Variants in DNAH7 observed in about 807,000 individuals in gnomAD.
DNAH7 encodes the protein axonemal beta dynein heavy chain 7.
In DNAH7, 397 loss-of-function variants were observed where a neutral mutation model predicts 444.6. The observed-to-expected ratio is 0.89, with a 90% CI of 0.82 to 0.97. The LOEUF (loss-of-function observed/expected upper bound fraction) is 0.97. DNAH7 is among the 50% of genes least tolerant of loss of function. DNAH7 has a pLI of 0.00. For synonymous variants in DNAH7, 1,636 were observed against 1,624.4 expected (o/e 1.01, Z -0.17); for missense variants, 4,902 against 4,800.8 (o/e 1.02, Z -0.62).
chr2:195,755,162 G>GT (rs1694011126), intron 62 of DNAH7, among the ~76,000 whole-genome samples: 1 of 152,156 alleles, frequency 6.6e-6, no homozygotes, highest in Admixed American at 6.5e-5. Flanking sequence ...TGGTCAGATG[G>GT]TTATGTTTTT....
At position 195,899,727 on chromosome 2, in the gene DNAH7, A is replaced by G. The variant is rs934091393; in HGVS notation, c.4548+555T>C. ...CTATTAAGTAAGCCTATCTGATTTC[A>G]TAAAGAACTAACTAATGTACAGTTA... is the stretch of plus-strand genomic sequence containing the variant. On this transcript the variant is annotated intron_variant, in intron 28 of 64. Transcript: ENST00000312428. 1.2e-4 allele frequency among the ~76,000 whole-genome samples: 19 copies of G among 152,328 alleles called. No homozygotes were observed. The East Asian group carries it at 2.9e-3, about 23-fold the overall frequency.
In DNAH7 at chr2:196,001,721, G is replaced by A. The variant is rs1447252968; in HGVS notation, c.1127C>T (p.Thr376Ile). ...CGTGAAATCTTGCATGGAGACTAAA[G>A]TGAGGTCCTGCAGCTGTAAAGTCAT... ...ALMTLQLQDL[T>I]LVSMQDFTDL... The change falls in exon 11 of 65, where the codon ACT (threonine) becomes ATT (isoleucine). Residue 376 changes from threonine to isoleucine, a missense_variant. Physicochemically the swap from Thr to Ile is moderately conservative, Grantham distance 89 (BLOSUM62 -1). Coordinates refer to ENST00000312428, the MANE Select transcript of DNAH7 (RefSeq NM_018897.3). 4 of 1,599,346 alleles carry A rather than the reference G, an allele frequency of 2.5e-6. No individual in the cohort carries two copies. The highest frequency in any genetic ancestry group is 2.6e-6 in the Non-Finnish European group (3 of 1,173,188).
chr2:195,914,126 C>T (rs1157475651), intron 24 of DNAH7, among the ~76,000 whole-genome samples: 1 of 152,146 alleles, frequency 6.6e-6, no homozygotes, highest in Non-Finnish European at 1.5e-5. Flanking sequence ...TAATGTTTAC[C>T]TCTAATATTT....
intron 11 of DNAH7, 26 bp downstream of exon 11, chr2:196,001,649 A>C (rs778984853): frequency 4.1e-6 from 6 of 1,472,854 alleles, no homozygotes; most frequent in Admixed American, 2.4e-5. Context: ...TTGTAAATAC[A>C]TATTGGTGAA....
chr2:195,739,154 C>G (rs748493279), intron 64 of DNAH7, among the ~76,000 whole-genome samples: 12 of 152,238 alleles, frequency 7.9e-5, no homozygotes, highest in Non-Finnish European at 1.6e-4. Context: ...CTGCAAGCTA[C>G]TTAAGAGTTT....
In DNAH7 at chr2:195,969,945, T is replaced by C; in HGVS notation, c.2205+3A>G. On this transcript the variant is annotated splice_donor_region_variant and intron_variant, in intron 17 of 64. Transcript: ENST00000312428. ...CATCTTTTTAAGAATTTTTGAATTATACCTTATCTGCAGCTAAATCCAACT... is the reference window on the plus strand; with the variant it reads ...CATCTTTTTAAGAATTTTTGAATTACACCTTATCTGCAGCTAAATCCAACT... 1 of 1,602,582 alleles carries C rather than the reference T, an allele frequency of 6.2e-7. No homozygotes were observed. Among genetic ancestry groups the C allele is most frequent in the Non-Finnish European group, 8.5e-7 (1 of 1,177,266 alleles).
chr2:195,895,496 G>C (rs1384104504), intron 29 of DNAH7, among the ~76,000 whole-genome samples: 1 of 152,156 alleles, frequency 6.6e-6, no homozygotes, highest in Non-Finnish European at 1.5e-5. Context: ...CTGGAGTGCA[G>C]TGGCACGATC....
chr2:195,750,012 AAAAT>A (rs1001722691), intron 63 of DNAH7, among the ~76,000 whole-genome samples: 29 of 152,078 alleles, frequency 1.9e-4, no homozygotes, highest in East Asian at 1.5e-3. Flanking sequence ...ATAAAGAAAT[AAAAT>A]AAATAAATAA....
At chr2:195,767,463 A>G (rs1236624279) in intron 61 of DNAH7, among the ~76,000 whole-genome samples, 1 of 152,032 alleles carries the variant, frequency 6.6e-6, no homozygotes, top group Non-Finnish European at 1.5e-5. Flanking sequence ...GTTGTTCGAC[A>G]CTTCTATACC....
intron 47 of DNAH7, among the ~76,000 whole-genome samples, chr2:195,842,362 T>A (rs866935402): frequency 6.6e-6 from 1 of 152,088 alleles, no homozygotes; most frequent in Non-Finnish European, 1.5e-5. Flanking sequence ...CTCACTCAGC[T>A]AAGATAATAT....
intron 57 of DNAH7, among the ~76,000 whole-genome samples, chr2:195,792,436 C>CAT (rs1032181828): frequency 2.2e-5 from 3 of 135,240 alleles, no homozygotes; most frequent in African/African-American, 5.7e-5. Context: ...CACACACACA[C>CAT]ATTAAAAAAA....
At chr2:195,918,583 G>T (rs1687827865) in intron 24 of DNAH7, among the ~76,000 whole-genome samples, 1 of 152,150 alleles carries the variant, frequency 6.6e-6, no homozygotes, top group African/African-American at 2.4e-5. Context: ...AGTATTATTT[G>T]TCAATAAAAG....
intron 53 of DNAH7, among the ~76,000 whole-genome samples, chr2:195,808,117 G>A (rs530055060): frequency 3.3e-5 from 5 of 152,204 alleles, no homozygotes; most frequent in African/African-American, 1.2e-4. Flanking sequence ...AATTAACTGG[G>A]AATTGGAAAA....
At chr2:196,023,233 T>C (rs550994068) in intron 8 of DNAH7, among the ~76,000 whole-genome samples, 2 of 152,218 alleles carry the variant, frequency 1.3e-5, no homozygotes, top group South Asian at 4.1e-4. Context: ...GCTCTCTCCA[T>C]GTGAGATGCC....
At chr2:195,778,059 T>A (rs1180155324) in intron 58 of DNAH7, 74 bp from the exon 59 acceptor site, 1 of 1,327,556 alleles carries the variant, frequency 7.5e-7, no homozygotes, top group Admixed American at 2.9e-5. Context: ...TTTTTTCCTA[T>A]TACTAAATTA....
intron 5 of DNAH7, among the ~76,000 whole-genome samples, chr2:196,045,661 T>C (rs1697074974): frequency 6.6e-6 from 1 of 152,096 alleles, no homozygotes; most frequent in Non-Finnish European, 1.5e-5. Flanking sequence ...CTTTGTGTGT[T>C]ATTCAGAAGG....
At chr2:195,826,485 G>T (rs1048904416) in intron 48 of DNAH7, among the ~76,000 whole-genome samples, 1 of 152,156 alleles carries the variant, frequency 6.6e-6, no homozygotes, top group Admixed American at 6.5e-5. Flanking sequence ...ACATGAACCT[G>T]GCTGTCTGGC....
intron 54 of DNAH7, among the ~76,000 whole-genome samples, chr2:195,801,476 G>T (rs532373052): frequency 6.6e-6 from 1 of 152,058 alleles, no homozygotes; most frequent in Non-Finnish European, 1.5e-5. Flanking sequence ...AGAGAACAGC[G>T]ATATCTCAAG....
At chr2:196,021,400 C>T (rs1345247237) in intron 8 of DNAH7, among the ~76,000 whole-genome samples, 1 of 152,078 alleles carries the variant, frequency 6.6e-6, no homozygotes, top group African/African-American at 2.4e-5. Flanking sequence ...TGGTTCAAGA[C>T]CACCCCCATA....
Sources: allele counts gnomAD v4.1 joint callset (sites outside exome capture counted in the v4.1 genomes callset), GRCh38; gene constraint gnomAD v4.1.1; transcripts MANE v1.5; gene names NCBI Gene and HGNC (gene_info 2026-07-23, HGNC 2026-07-21).